Variants in CTIF observed in about 807,000 individuals in gnomAD.
CTIF encodes CBP80/20-dependent translation initiation factor.
A neutral mutation model predicts 66.0 loss-of-function variants in CTIF; 21 were observed. The ratio of observed to expected loss-of-function variants is 0.32; its 90% CI spans 0.23 to 0.46. The LOEUF (loss-of-function observed/expected upper bound fraction) is 0.46. CTIF is among the 20% of genes least tolerant of loss of function. The probability of loss-of-function intolerance (pLI) is 1.00; values close to 1 mark genes in which losing one functional copy is unlikely to be tolerated. For missense variants in CTIF, 739 were observed against 812.7 expected (o/e 0.91, Z 1.10); for synonymous variants, 345 against 326.4 (o/e 1.06, Z -0.62).
chr18:48,584,636 C>T (rs2089728552), intron 1 of CTIF, among the ~76,000 whole-genome samples: 1 of 152,140 alleles, frequency 6.6e-6, no homozygotes, highest in Non-Finnish European at 1.5e-5. Flanking sequence ...CCAGGCCATC[C>T]CAAACTGGAG....
chr18:48,556,575 G>T (rs1201606086), intron 1 of CTIF, among the ~76,000 whole-genome samples: 1 of 152,074 alleles, frequency 6.6e-6, no homozygotes, highest in African/African-American at 2.4e-5. Context: ...GTGTTTGTTT[G>T]TTTTTTTGAG....
intron 9 of CTIF, among the ~76,000 whole-genome samples, chr18:48,780,735 G>A (rs1364149864): frequency 2.0e-5 from 3 of 152,252 alleles, no homozygotes; most frequent in African/African-American, 4.8e-5. Flanking sequence ...AAGAGGCAGC[G>A]TGCTGGGGAG....
chr18:48,821,032 A>AC (rs1285618590), intron 10 of CTIF, among the ~76,000 whole-genome samples: 2 of 152,036 alleles, frequency 1.3e-5, no homozygotes, highest in Admixed American at 1.3e-4. Context: ...TCACACCCTG[A>AC]CCTCATCAAA....
intron 10 of CTIF, among the ~76,000 whole-genome samples, chr18:48,846,864 T>G (rs553326194): frequency 6.6e-6 from 1 of 151,932 alleles, no homozygotes; most frequent in East Asian, 1.9e-4. Flanking sequence ...GATGGATGGA[T>G]GGATGGATGA....
intron 10 of CTIF, among the ~76,000 whole-genome samples, chr18:48,818,672 C>T (rs944923324): frequency 1.3e-5 from 2 of 151,944 alleles, no homozygotes; most frequent in Non-Finnish European, 1.5e-5. Context: ...AGGAAGGGGG[C>T]GTGTAAGAAC....
intron 6 of CTIF, among the ~76,000 whole-genome samples, chr18:48,680,711 G>A (rs2091725694): frequency 6.6e-6 from 1 of 152,266 alleles, no homozygotes. Context: ...CTTGGGCCAG[G>A]CCTGGTTGAT....
rs538194042 is a variant in CTIF at position 48,768,298 on chromosome 18, T to C, written c.1371+6609T>C. 3.9e-5 allele frequency among the ~76,000 whole-genome samples: 6 copies of C among 152,290 alleles called. No homozygotes were observed. The East Asian group carries it at 9.7e-4, about 25-fold the overall frequency. On this transcript the variant is annotated intron_variant, in intron 9 of 11. Transcript: ENST00000256413. ...GATGGCCAGAATCCTGGCTGAGTTA[T>C]CGGCTGTCCCCAGCTCCTGGCTTCA... is the stretch of plus-strand genomic sequence containing the variant.
At chr18:48,690,168 C>T (rs1276098193) in intron 6 of CTIF, among the ~76,000 whole-genome samples, 3 of 152,142 alleles carry the variant, frequency 2.0e-5, no homozygotes, top group Admixed American at 6.5e-5. Context: ...CACCCCACCC[C>T]GTCCTTCACC....
At chr18:48,849,711 G>C (rs536268688) in intron 10 of CTIF, among the ~76,000 whole-genome samples, 3 of 149,460 alleles carry the variant, frequency 2.0e-5, no homozygotes, top group Admixed American at 6.8e-5. Flanking sequence ...TCAGCCTCCC[G>C]AGTAGCTGGG....
Position 48,673,134 on chromosome 18 carries a change from G to A in CTIF, c.507+2390G>A, listed in dbSNP as rs574967196. Among the ~76,000 whole-genome samples, 15 of 152,148 alleles carry A rather than the reference G, an allele frequency of 9.9e-5. No homozygotes were observed. In the South Asian group the frequency reaches 1.0e-3, roughly 11 times the overall value. On this transcript the variant is annotated intron_variant, in intron 6 of 11. Coordinates refer to ENST00000256413, the MANE Select transcript of CTIF (RefSeq NM_014772.3). ...ATCTCTGTGGCATGGCTCCCACCAC[G>A]TCGCACCTGCTTACATAACTGCCAG... is the stretch of plus-strand genomic sequence containing the variant.
chr18:48,578,039 A>G (rs1435472315), intron 1 of CTIF, among the ~76,000 whole-genome samples: 1 of 152,194 alleles, frequency 6.6e-6, no homozygotes. Flanking sequence ...AGATTTGTCT[A>G]TTCTGGACAT....
At position 48,844,238 on chromosome 18, in the gene CTIF, C is replaced by T. The variant is rs2069017248; in HGVS notation, c.1528-13350C>T. 2.0e-5 allele frequency among the ~76,000 whole-genome samples: 3 copies of T among 152,186 alleles called. No individual in the cohort carries two copies. In the South Asian group the frequency reaches 6.2e-4, roughly 32 times the overall value. Reference sequence around the variant, plus strand: ...AGCTGGGAGGCACTGGCTGCAGGCACAGCTGCTTCCCTGGAGTCTCAAACC... The same window carrying T: ...AGCTGGGAGGCACTGGCTGCAGGCATAGCTGCTTCCCTGGAGTCTCAAACC... On this transcript the variant is annotated intron_variant, in intron 10 of 11. Coordinates refer to ENST00000256413, the MANE Select transcript of CTIF (RefSeq NM_014772.3).
intron 1 of CTIF, among the ~76,000 whole-genome samples, chr18:48,556,031 G>A (rs1250827991): frequency 6.6e-6 from 1 of 152,212 alleles, no homozygotes; most frequent in Admixed American, 6.5e-5. Context: ...GGCCATTTCT[G>A]GAAGCATGAG....
intron 10 of CTIF, among the ~76,000 whole-genome samples, chr18:48,843,994 TA>T (rs1460529941): frequency 6.6e-6 from 1 of 152,214 alleles, no homozygotes; most frequent in Admixed American, 6.5e-5. Context: ...AATGGATCTT[TA>T]AAAACACACA....
At chr18:48,791,958 C>T (rs1161642681) in intron 9 of CTIF, among the ~76,000 whole-genome samples, 2 of 152,196 alleles carry the variant, frequency 1.3e-5, no homozygotes, top group Non-Finnish European at 2.9e-5. Context: ...CTACCACGTG[C>T]CAGGCCCTGG....
intron 9 of CTIF, among the ~76,000 whole-genome samples, chr18:48,800,171 C>T (rs1253522920): frequency 6.6e-6 from 1 of 152,214 alleles, no homozygotes; most frequent in Non-Finnish European, 1.5e-5. Context: ...ATGGATTTTT[C>T]TTCCCCACTC....
intron 1 of CTIF, among the ~76,000 whole-genome samples, chr18:48,573,744 T>A (rs757865254): frequency 6.6e-5 from 10 of 152,130 alleles, no homozygotes; most frequent in Non-Finnish European, 1.5e-4. Context: ...TTAGGTCAGG[T>A]CAGCGGACAA....
intron 10 of CTIF, among the ~76,000 whole-genome samples, chr18:48,827,214 C>T (rs9954676): frequency 0.16 from 23,669 of 152,170 alleles, 1,970 homozygotes; most frequent in East Asian, 0.34. Flanking sequence ...AAGGAGCATT[C>T]CTTTATTCAT....
At chr18:48,664,416 C>T in intron 4 of CTIF, 31 bp from the exon 5 acceptor site, 1 of 1,582,478 alleles carries the variant, frequency 6.3e-7, no homozygotes, top group Non-Finnish European at 8.7e-7. Context: ...TGCCCTCTTG[C>T]CTCCGTTTCT....
Sources: allele counts gnomAD v4.1 joint callset (sites outside exome capture counted in the v4.1 genomes callset), GRCh38; gene constraint gnomAD v4.1.1; transcripts MANE v1.5; gene names NCBI Gene and HGNC (gene_info 2026-07-23, HGNC 2026-07-21).